LSAMP: variants seen among roughly 807,000 people sequenced by gnomAD.
LSAMP encodes limbic system associated membrane protein.
LSAMP carries 7 observed loss-of-function variants against 38.6 expected under a neutral mutation model. The observed-to-expected ratio is 0.18, with a 90% CI of 0.10 to 0.34. The LOEUF (loss-of-function observed/expected upper bound fraction) is 0.34. LSAMP is among the 10% of genes least tolerant of loss of function. The probability of loss-of-function intolerance (pLI) is 1.00; values close to 1 mark genes in which losing one functional copy is unlikely to be tolerated. For synonymous variants in LSAMP, 154 were observed against 166.8 expected (o/e 0.92, Z 0.59); for missense variants, 313 against 420.0 (o/e 0.75, Z 2.23).
chr3:116,118,115 C>T (rs938708821), intron 1 of LSAMP, among the ~76,000 whole-genome samples: 3 of 152,082 alleles, frequency 2.0e-5, no homozygotes, highest in Non-Finnish European at 4.4e-5. Context: ...TGTCACATAT[C>T]ATACCTTTAA....
At chr3:116,133,440 G>C (rs1709179218) in intron 1 of LSAMP, among the ~76,000 whole-genome samples, 1 of 151,822 alleles carries the variant, frequency 6.6e-6, no homozygotes, top group African/African-American at 2.4e-5. Context: ...CAAGTGTGTG[G>C]CACCATGCCT....
intron 1 of LSAMP, among the ~76,000 whole-genome samples, chr3:116,326,086 CTTAA>C (rs1297224992): frequency 2.0e-5 from 3 of 151,922 alleles, no homozygotes; most frequent in South Asian, 2.1e-4. Context: ...TTTTTTCTAA[CTTAA>C]TTATTTTTGT....
chr3:116,296,599 G>A (rs1348359583), intron 1 of LSAMP, among the ~76,000 whole-genome samples: 1 of 150,618 alleles, frequency 6.6e-6, no homozygotes, highest in Non-Finnish European at 1.5e-5. Context: ...GGAGGCTGAG[G>A]CCAGAGAATG....
At chr3:115,837,061 T>A (rs1244720343) in intron 6 of LSAMP, among the ~76,000 whole-genome samples, 3 of 152,214 alleles carry the variant, frequency 2.0e-5, no homozygotes, top group Non-Finnish European at 4.4e-5. Flanking sequence ...TTGCCAAGTC[T>A]TGACTAGCAT....
At chr3:116,128,732 A>G (rs1299553401) in intron 1 of LSAMP, among the ~76,000 whole-genome samples, 1 of 55,534 alleles carries the variant, frequency 1.8e-5, no homozygotes, top group Non-Finnish European at 3.4e-5. Flanking sequence ...TGTTCTCACT[A>G]TTTGATAAGC....
At chr3:116,220,160 G>A (rs950564929) in intron 1 of LSAMP, among the ~76,000 whole-genome samples, 1 of 148,000 alleles carries the variant, frequency 6.8e-6, no homozygotes, top group Non-Finnish European at 1.5e-5. Context: ...TCCTGCCTGG[G>A]TGACAGAGTG....
intron 1 of LSAMP, among the ~76,000 whole-genome samples, chr3:116,114,842 A>G (rs1239287282): frequency 3.3e-5 from 5 of 152,192 alleles, no homozygotes; most frequent in African/African-American, 9.6e-5. Flanking sequence ...TTATCTATTT[A>G]GTTCAGCTAT....
chr3:116,197,091 G>A (rs1013833113), intron 1 of LSAMP, among the ~76,000 whole-genome samples: 1 of 150,796 alleles, frequency 6.6e-6, no homozygotes. Flanking sequence ...ATAAAATGGG[G>A]GTCCCCTGGT....
rs987260671 is a variant in LSAMP at position 115,807,375 on chromosome 3, C to G, written c.*2942G>C. The G allele has an allele frequency of 6.6e-6, 1 of 152,158 alleles. No homozygotes were observed. The highest frequency in any genetic ancestry group is 1.5e-5 in the Non-Finnish European group (1 of 68,034). The allele number at this position is 152,158 out of a possible 1,614,324, so 9.4% of individuals were successfully genotyped here. Reference sequence around the variant, plus strand: ...AAATTTCAAGATCCTGCTAGAGACACAGGCAAACACCACATTTAAATATAT... The same window carrying G: ...AAATTTCAAGATCCTGCTAGAGACAGAGGCAAACACCACATTTAAATATAT... On this transcript the variant is annotated 3_prime_UTR_variant, in exon 7 of 7. Transcript: ENST00000490035.
intron 1 of LSAMP, among the ~76,000 whole-genome samples, chr3:116,400,106 A>C (rs1301342828): frequency 6.6e-6 from 1 of 152,108 alleles, no homozygotes; most frequent in African/African-American, 2.4e-5. Context: ...AAATCTAAAA[A>C]ACCCCTAAAT....
intron 3 of LSAMP, among the ~76,000 whole-genome samples, chr3:115,949,319 G>A (rs2107574194): frequency 6.6e-6 from 1 of 151,870 alleles, no homozygotes; most frequent in South Asian, 2.1e-4. Context: ...CAGTTTATTT[G>A]GATCTTTTTT....
chr3:116,270,274 G>C (rs2046954017), intron 1 of LSAMP, among the ~76,000 whole-genome samples: 1 of 152,064 alleles, frequency 6.6e-6, no homozygotes, highest in Admixed American at 6.6e-5. Context: ...AAAGACTGCT[G>C]CTGTACAACA....
At chr3:115,945,267 G>C (rs745848739) in intron 3 of LSAMP, among the ~76,000 whole-genome samples, 49 of 152,046 alleles carry the variant, frequency 3.2e-4, no homozygotes, top group Non-Finnish European at 5.4e-4. Context: ...ATTTCCCATA[G>C]GGTAGGTGCT....
intron 3 of LSAMP, among the ~76,000 whole-genome samples, chr3:115,884,704 G>A (rs777825915): frequency 2.1e-4 from 32 of 152,004 alleles, no homozygotes; most frequent in Non-Finnish European, 4.0e-4. Context: ...ACGAGCAGAA[G>A]TCATCTAAAA....
chr3:116,357,401 A>G (rs1332647396), intron 1 of LSAMP, among the ~76,000 whole-genome samples: 1 of 152,188 alleles, frequency 6.6e-6, no homozygotes, highest in Admixed American at 6.5e-5. Context: ...AAATTGTTGA[A>G]GACTCCCAAA....
chr3:115,985,747 C>A (rs1939492096), intron 3 of LSAMP, among the ~76,000 whole-genome samples: 1 of 152,166 alleles, frequency 6.6e-6, no homozygotes, highest in Admixed American at 6.5e-5. Context: ...TGGTGAGGAA[C>A]TGAAGACCCT....
chr3:116,340,421 T>C lies in LSAMP; in HGVS notation c.155+104456A>G, dbSNP rs542063814. On this transcript the variant is annotated intron_variant, in intron 1 of 6. Transcript: ENST00000490035. Reference sequence around the variant, plus strand: ...AGATCAAAGTTATTACCCCTTATAATTGAGGAAAATCAATGGAATGCATCT... The same window carrying C: ...AGATCAAAGTTATTACCCCTTATAACTGAGGAAAATCAATGGAATGCATCT... Among the ~76,000 whole-genome samples the C allele has an allele frequency of 6.8e-5, 8 of 118,482 alleles. No individual in the cohort carries two copies. The South Asian group carries it at 1.9e-3, about 28-fold the overall frequency. 77.7% of individuals were successfully genotyped at this position (118,482 alleles called of 152,430 possible). A position where few individuals can be genotyped will look rare whatever the true frequency, so the allele number is the denominator to read the frequency against.
intron 3 of LSAMP, among the ~76,000 whole-genome samples, chr3:115,995,018 G>T (rs1939776040): frequency 1.3e-5 from 2 of 152,080 alleles, no homozygotes; most frequent in Middle Eastern, 3.2e-3. Context: ...TACAAATAAA[G>T]ATTTGTGTAA....
At chr3:116,384,545 A>C (rs1001044794) in intron 1 of LSAMP, among the ~76,000 whole-genome samples, 2 of 152,080 alleles carry the variant, frequency 1.3e-5, no homozygotes, top group African/African-American at 4.8e-5. Context: ...TGAAACATAT[A>C]ATTAGACCCA....
Sources: gnomAD v4.1 joint callset for allele counts (sites outside exome capture counted in the v4.1 genomes callset) on GRCh38, gnomAD v4.1.1 for gene constraint, MANE v1.5 for transcripts, NCBI Gene and HGNC (gene_info 2026-07-23, HGNC 2026-07-21) for gene names.